The following KCNIP4 variants were observed in gnomAD, a reference collection of about 807,000 sequenced individuals.
KCNIP4 encodes Kv channel-interacting protein 4.
A neutral mutation model predicts 34.0 loss-of-function variants in KCNIP4; 12 were observed. The observed-to-expected ratio is 0.35, with a 90% CI of 0.23 to 0.57. KCNIP4 has a LOEUF of 0.57. KCNIP4 is among the 20% of genes least tolerant of loss of function. The pLI is 0.83. For missense variants in KCNIP4, 238 were observed against 311.7 expected (o/e 0.76, Z 1.78); for synonymous variants, 124 against 102.2 (o/e 1.21, Z -1.29).
intron 1 of KCNIP4, among the ~76,000 whole-genome samples, chr4:21,353,279 G>A (rs899558575): frequency 2.0e-5 from 3 of 152,144 alleles, no homozygotes; most frequent in Non-Finnish European, 2.9e-5. Context: ...ATGGAACAAT[G>A]CTGGATGGAG....
chr4:21,088,931 A>T (rs1387249119), intron 1 of KCNIP4, among the ~76,000 whole-genome samples: 1 of 152,200 alleles, frequency 6.6e-6, no homozygotes, highest in African/African-American at 2.4e-5. Flanking sequence ...CAATACCCCA[A>T]TCAGTGCCTA....
At chr4:21,634,223 C>CA (rs376741978) in intron 1 of KCNIP4, among the ~76,000 whole-genome samples, 15,093 of 111,784 alleles carry the variant, frequency 0.14, 1,035 homozygotes, top group Non-Finnish European at 0.18. Flanking sequence ...GTTCTTTCCT[C>CA]AAAAAAAAAA....
At chr4:20,907,907 AT>A (rs1256914661) in intron 1 of KCNIP4, among the ~76,000 whole-genome samples, 1 of 151,938 alleles carries the variant, frequency 6.6e-6, no homozygotes, top group Non-Finnish European at 1.5e-5. Flanking sequence ...ACTATTATTA[AT>A]CGTCAAGTTT....
Position 21,563,246 on chromosome 4 carries a change from A to G in KCNIP4, c.61+385325T>C, listed in dbSNP as rs1013741229. Among the ~76,000 whole-genome samples, 3 of 152,190 alleles carry G rather than the reference A, an allele frequency of 2.0e-5. No individual in the cohort carries two copies. The South Asian group carries it at 6.2e-4, about 32-fold the overall frequency. On this transcript the variant is annotated intron_variant, in intron 1 of 8. Coordinates refer to ENST00000382152, the MANE Select transcript of KCNIP4 (RefSeq NM_025221.6). ...TATGTTAAAAAATGATTCAAACACA[A>G]ATGGTTTCCTTCAACTTAATGTTTT...
intron 1 of KCNIP4, among the ~76,000 whole-genome samples, chr4:21,126,617 C>CAAAAAAAAAAAAAA (rs71655615): frequency 2.3e-4 from 19 of 82,014 alleles, no homozygotes; most frequent in African/African-American, 8.1e-4. Flanking sequence ...AGAGAAATAG[C>CAAAAAAAAAAAAAA]AAAAAAAAAA....
At chr4:21,817,672 G>C (rs1722070711) in intron 1 of KCNIP4, among the ~76,000 whole-genome samples, 1 of 152,078 alleles carries the variant, frequency 6.6e-6, no homozygotes, top group Non-Finnish European at 1.5e-5. Flanking sequence ...GGCTGCTCTG[G>C]GAATGTCTGT....
At chr4:20,945,548 T>G (rs188755981) in intron 1 of KCNIP4, among the ~76,000 whole-genome samples, 27 of 152,314 alleles carry the variant, frequency 1.8e-4, no homozygotes, top group African/African-American at 4.8e-4. Context: ...TACTGTTATA[T>G]CCAACCAAAC....
In KCNIP4 at chr4:20,818,908, T is replaced by C. The variant is rs1355312951; in HGVS notation, c.288+31635A>G. ...GACAGGCACTATGCTAGTCATTCTA[T>C]ATATATTATCTCTTTTTTTTTTTTT... On this transcript the variant is annotated intron_variant, in intron 3 of 8. Transcript: ENST00000382152. Among the ~76,000 whole-genome samples the C allele has an allele frequency of 4.7e-5, 7 of 150,310 alleles. No homozygotes were observed. The East Asian group carries it at 9.8e-4, about 21-fold the overall frequency.
Position 21,394,387 on chromosome 4 carries a change from T to G in KCNIP4, c.62-511678A>C, listed in dbSNP as rs148094330. Reference sequence around the variant, plus strand: ...CCTGATAGACACAACCTCAGAGTAGTTAAGTGACCCAGAACTGACCAATCA... The same window carrying G: ...CCTGATAGACACAACCTCAGAGTAGGTAAGTGACCCAGAACTGACCAATCA... On this transcript the variant is annotated intron_variant, in intron 1 of 8. Transcript: ENST00000382152. 4.4e-3 allele frequency among the ~76,000 whole-genome samples: 676 copies of G among 152,208 alleles called. 6 individuals are homozygous for G. The highest frequency in any genetic ancestry group is 0.015 in the African/African-American group (638 of 41,534).
chr4:21,448,203 T>A (rs1225900791), intron 1 of KCNIP4, among the ~76,000 whole-genome samples: 1 of 152,106 alleles, frequency 6.6e-6, no homozygotes, highest in African/African-American at 2.4e-5. Flanking sequence ...GAAATATAAG[T>A]GCTAAGGATT....
chr4:21,817,772 A>T (rs917104915), intron 1 of KCNIP4, among the ~76,000 whole-genome samples: 9 of 152,090 alleles, frequency 5.9e-5, no homozygotes, highest in African/African-American at 2.2e-4. Context: ...CTGCCCTGGT[A>T]ATTTGTGATC....
intron 1 of KCNIP4, among the ~76,000 whole-genome samples, chr4:21,692,622 C>T (rs1295053694): frequency 6.6e-6 from 1 of 151,788 alleles, no homozygotes; most frequent in Non-Finnish European, 1.5e-5. Flanking sequence ...ATTTTATATG[C>T]ATTTGAATAA....
At chr4:21,227,670 A>AAAAACAAAAC (rs57503395) in intron 1 of KCNIP4, among the ~76,000 whole-genome samples, 371 of 151,626 alleles carry the variant, frequency 2.4e-3, no homozygotes, top group African/African-American at 8.0e-3. Flanking sequence ...TCCGCAGTTA[A>AAAAACAAAAC]AAAACAAAAC....
chr4:21,444,180 G>A (rs528341851), intron 1 of KCNIP4, among the ~76,000 whole-genome samples: 6 of 152,202 alleles, frequency 3.9e-5, no homozygotes, highest in African/African-American at 9.6e-5. Context: ...ATTCACATCC[G>A]AATTCTACCA....
At chr4:21,735,839 G>A (rs1337937992) in intron 1 of KCNIP4, among the ~76,000 whole-genome samples, 3 of 152,116 alleles carry the variant, frequency 2.0e-5, no homozygotes, top group African/African-American at 4.8e-5. Context: ...CTACTCTTAC[G>A]TCTTCCAAAT....
chr4:21,702,336 C>T (rs900099180), intron 1 of KCNIP4, among the ~76,000 whole-genome samples: 1 of 152,040 alleles, frequency 6.6e-6, no homozygotes, highest in African/African-American at 2.4e-5. Context: ...ATCCTCATGA[C>T]CTTATCAAAA....
intron 1 of KCNIP4, among the ~76,000 whole-genome samples, chr4:21,322,392 A>G (rs1215899209): frequency 6.6e-6 from 1 of 152,114 alleles, no homozygotes; most frequent in Admixed American, 6.6e-5. Context: ...TTGCAAAGCC[A>G]TTACTCCTAT....
chr4:21,039,988 G>T (rs1226379659), intron 1 of KCNIP4, among the ~76,000 whole-genome samples: 1 of 152,164 alleles, frequency 6.6e-6, no homozygotes, highest in African/African-American at 2.4e-5. Flanking sequence ...GGAAGGGGAA[G>T]AGCTATGTCT....
At chr4:21,617,848 ACT>A (rs1295816482) in intron 1 of KCNIP4, among the ~76,000 whole-genome samples, 1 of 152,172 alleles carries the variant, frequency 6.6e-6, no homozygotes, top group Non-Finnish European at 1.5e-5. Context: ...TTTGTTTTAA[ACT>A]CTGTCTTTGA....
Sources: gnomAD v4.1 joint callset for allele counts (sites outside exome capture counted in the v4.1 genomes callset) on GRCh38, gnomAD v4.1.1 for gene constraint, MANE v1.5 for transcripts, NCBI Gene and HGNC (gene_info 2026-07-23, HGNC 2026-07-21) for gene names.